MCPH1: variants seen among roughly 807,000 people sequenced by gnomAD.
The protein encoded by MCPH1 is microcephalin 1.
A neutral mutation model predicts 84.5 loss-of-function variants in MCPH1; 104 were observed. The observed-to-expected ratio is 1.23, with a 90% CI of 1.05 to 1.45. The LOEUF is 1.45. Among genes scored for constraint, MCPH1 ranks in the 40% most tolerant of loss-of-function variants. The pLI, the probability that MCPH1 is intolerant of heterozygous loss-of-function variation, is 0.00. For missense variants in MCPH1, 1,498 were observed against 1,005.7 expected (o/e 1.49, Z -6.62); for synonymous variants, 514 against 366.8 (o/e 1.40, Z -4.58).
intron 11 of MCPH1, among the ~76,000 whole-genome samples, chr8:6,499,061 A>ATACAT (rs1586130166): frequency 7.1e-6 from 1 of 140,272 alleles, no homozygotes; most frequent in East Asian, 2.2e-4. Flanking sequence ...CAAAAAATAA[A>ATACAT]TAAATTAAAT....
intron 12 of MCPH1, among the ~76,000 whole-genome samples, chr8:6,544,728 G>A (rs1234459962): frequency 6.6e-6 from 1 of 152,144 alleles, no homozygotes; most frequent in Non-Finnish European, 1.5e-5. Context: ...AATTCATTAA[G>A]ATAAAGACAC....
chr8:6,470,396 A>G (rs1585959613), intron 9 of MCPH1, among the ~76,000 whole-genome samples: 1 of 151,892 alleles, frequency 6.6e-6, no homozygotes, highest in Non-Finnish European at 1.5e-5. Flanking sequence ...CGATTCTCCT[A>G]CCTCAGCCTC....
intron 4 of MCPH1, among the ~76,000 whole-genome samples, chr8:6,435,203 A>G (rs746288230): frequency 2.0e-5 from 3 of 152,180 alleles, no homozygotes; most frequent in Non-Finnish European, 4.4e-5. Context: ...TTTGGTAATT[A>G]TAAAATAGAA....
At chr8:6,593,105 CAG>C (rs1413670311) in intron 12 of MCPH1, among the ~76,000 whole-genome samples, 2 of 109,410 alleles carry the variant, frequency 1.8e-5, no homozygotes, top group Non-Finnish European at 3.6e-5. Context: ...TTTTTTTAGA[CAG>C]AGTTTCGCTC....
intron 12 of MCPH1, among the ~76,000 whole-genome samples, chr8:6,577,584 C>G (rs765024733): frequency 5.3e-5 from 8 of 152,206 alleles, no homozygotes; most frequent in Non-Finnish European, 8.8e-5. Flanking sequence ...CTACTGTAAG[C>G]CAAAGGGCTT....
intron 12 of MCPH1, among the ~76,000 whole-genome samples, chr8:6,568,225 T>G (rs1826363326): frequency 6.7e-6 from 1 of 148,896 alleles, no homozygotes; most frequent in African/African-American, 2.6e-5. Context: ...ACCGTGGAAG[T>G]GGGTGGCGCG....
intron 12 of MCPH1, among the ~76,000 whole-genome samples, chr8:6,611,852 T>C (rs975831799): frequency 3.0e-4 from 46 of 152,152 alleles, no homozygotes; most frequent in African/African-American, 1.1e-3. Context: ...TCTCCTGACC[T>C]CGTGATCCAC....
intron 8 of MCPH1, chr8:6,447,257 A>C: frequency 1.0e-6 from 1 of 985,420 alleles, no homozygotes; most frequent in South Asian, 4.7e-5. Context: ...TTGGGAATCT[A>C]TCTTAGAAGA....
chr8:6,465,679 GGC>G (rs1806803963), intron 9 of MCPH1, among the ~76,000 whole-genome samples: 1 of 152,170 alleles, frequency 6.6e-6, no homozygotes, highest in South Asian at 2.1e-4. Flanking sequence ...AAGGGCGGAG[GGC>G]GGGGGAGGCC....
rs1208999201 is a variant in MCPH1 at position 6,644,265 on chromosome 8, C to T, written c.*1216C>T. The T allele has an allele frequency of 6.6e-6, 1 of 151,956 alleles. No homozygotes were observed. The highest frequency in any genetic ancestry group is 2.4e-5 in the African/African-American group (1 of 41,320). The allele number at this position is 151,956 out of a possible 1,614,324, so 9.4% of individuals were successfully genotyped here. ...TGGGCAACAGAGTAACTCTCCTTCT[C>T]AAATAAATAAATAAATAAATAAGAA... On this transcript the variant is annotated 3_prime_UTR_variant, in exon 14 of 14. Transcript: ENST00000344683.
intron 2 of MCPH1, among the ~76,000 whole-genome samples, chr8:6,412,155 A>G (rs1798626927): frequency 6.6e-6 from 1 of 152,138 alleles, no homozygotes; most frequent in African/African-American, 2.4e-5. Flanking sequence ...AGGTCAGTGG[A>G]GAGGAATCCG....
intron 12 of MCPH1, among the ~76,000 whole-genome samples, chr8:6,546,762 C>G (rs185647680): frequency 1.3e-5 from 2 of 152,190 alleles, no homozygotes; most frequent in Non-Finnish European, 1.5e-5. Flanking sequence ...ATAAACTCAA[C>G]GTACCCTCTT....
chr8:6,597,569 A>G (rs899435802), intron 12 of MCPH1, among the ~76,000 whole-genome samples: 2 of 152,192 alleles, frequency 1.3e-5, no homozygotes, highest in East Asian at 1.9e-4. Flanking sequence ...AGCTCGGCCA[A>G]GAGTTCTGCT....
At chr8:6,639,055 A>C (rs533706364) in intron 13 of MCPH1, among the ~76,000 whole-genome samples, 2 of 152,302 alleles carry the variant, frequency 1.3e-5, no homozygotes, top group South Asian at 4.1e-4. Flanking sequence ...GTGAGGTTAC[A>C]TGTAGGCTTC....
Position 6,414,851 on chromosome 8 carries a change from C to T in MCPH1, c.201C>T (p.Gly67=), listed in dbSNP as rs45481392. 129 of 1,613,306 alleles carry T rather than the reference C, an allele frequency of 8.0e-5. No homozygotes were observed. Among genetic ancestry groups the T allele is most frequent in the Non-Finnish European group, 9.4e-5 (111 of 1,179,844 alleles). ...QSTWDKAQKR[G]VKLVSVLWVE... is the part of the protein sequence containing the mutation. ...CTTGGGACAAAGCTCAGAAGAGAGG[C>T]GTAAAGCTCGTTTCGGTGCTCTGGG... The change falls in exon 3 of 14, where the codon GGC becomes GGT. Residue 67 remains glycine (G), a synonymous_variant. Coordinates refer to ENST00000344683, the MANE Select transcript of MCPH1 (RefSeq NM_024596.5).
intron 12 of MCPH1, chr8:6,532,377 G>T (rs774652968): frequency 6.2e-7 from 1 of 1,613,996 alleles, no homozygotes; most frequent in East Asian, 2.2e-5. Flanking sequence ...CCGCTGTTTG[G>T]TTCAACAGGT....
intron 12 of MCPH1, among the ~76,000 whole-genome samples, chr8:6,542,877 G>A (rs538476782): frequency 4.6e-5 from 7 of 152,302 alleles, no homozygotes; most frequent in African/African-American, 1.4e-4. Flanking sequence ...AAAGGCTAGC[G>A]AAACTTAGAT....
chr8:6,491,981 G>A (rs1586086754), intron 11 of MCPH1, among the ~76,000 whole-genome samples: 1 of 152,166 alleles, frequency 6.6e-6, no homozygotes, highest in African/African-American at 2.4e-5. Flanking sequence ...TAGTCCTTTG[G>A]GTATATACCC....
At chr8:6,527,758 A>C in intron 12 of MCPH1, 1 of 1,264,486 alleles carries the variant, frequency 7.9e-7, no homozygotes, top group Non-Finnish European at 1.1e-6. Context: ...AAAGTACCCA[A>C]GCTACAGGAA....
Sources: gnomAD v4.1 joint callset for allele counts (sites outside exome capture counted in the v4.1 genomes callset) on GRCh38, gnomAD v4.1.1 for gene constraint, MANE v1.5 for transcripts, NCBI Gene and HGNC (gene_info 2026-07-23, HGNC 2026-07-21) for gene names.